The following ZNF493 variants were observed in gnomAD, a reference collection of about 807,000 sequenced individuals.
ZNF493 encodes zinc finger protein 493.
ZNF493 carries 11 observed loss-of-function variants against 12.2 expected under a neutral mutation model. The observed-to-expected ratio is 0.90, with a 90% CI of 0.57 to 1.50. ZNF493 has a LOEUF of 1.50. ZNF493 is among the 40% of genes most tolerant of loss of function. The probability of loss-of-function intolerance (pLI) is 0.00; values close to 1 mark genes in which losing one functional copy is unlikely to be tolerated. For synonymous variants in ZNF493, 286 were observed against 302.6 expected (o/e 0.95, Z 0.57); for missense variants, 950 against 906.6 (o/e 1.05, Z -0.61).
intron 3 of ZNF493, chr19:21,414,219 C>T (rs1339416231): frequency 1.3e-5 from 2 of 152,202 alleles, no homozygotes; most frequent in Non-Finnish European, 2.9e-5. Context: ...ATAAGCTAGT[C>T]TCCCAAATGA....
At chr19:21,417,548 A>G (rs2030530391) in intron 3 of ZNF493, among the ~76,000 whole-genome samples, 1 of 152,242 alleles carries the variant, frequency 6.6e-6, no homozygotes, top group East Asian at 1.9e-4. Flanking sequence ...AAATCCATAT[A>G]CGGTTCTTTT....
rs752007169 is a variant in ZNF493, at chr19:21,424,160, T to C, written c.1501T>C (p.Ser501Pro). 1.5e-5 allele frequency: 25 copies of C among 1,613,430 alleles called. No individual in the cohort carries two copies. Among genetic ancestry groups the C allele is most frequent in the Admixed American group, 8.3e-5 (5 of 59,898 alleles). Residue 501 changes from serine to proline, a missense_variant, in exon 4 of 4, where the codon TCT (serine) becomes CCT (proline). Physicochemically the swap from Ser to Pro is moderately conservative, Grantham distance 74. Transcript: ENST00000392288. The stretch of plus-strand genomic sequence containing the variant: ...AGAATGTGGCAAAGCTTTTAACCAA[T>C]CTTCAACCCTTAGTATACATAAAAT... ...CEECGKAFNQ[S>P]STLSIHKIIH...
At chr19:21,407,132 G>C (rs2030157019) in intron 3 of ZNF493, among the ~76,000 whole-genome samples, 1 of 152,048 alleles carries the variant, frequency 6.6e-6, no homozygotes, top group South Asian at 2.1e-4. Flanking sequence ...TGGATCACTT[G>C]AGTTCAGGAG....
chr19:21,419,925 C>A (rs572674297), intron 3 of ZNF493, among the ~76,000 whole-genome samples: 1 of 152,230 alleles, frequency 6.6e-6, no homozygotes, highest in South Asian at 2.1e-4. Flanking sequence ...TTGGTGCCAA[C>A]CCCCACATGA....
rs1396585791 is a variant in ZNF493, at chr19:21,423,611, G to GA, written c.957dup (p.Pro320ThrfsTer3). Reference sequence around the variant, plus strand: ...TGGACATAAGATAATTCATAATGGAGAAAAACCCTATAAATGTGAAGAATG... The same window carrying GA: ...TGGACATAAGATAATTCATAATGGAGAAAAAACCCTATAAATGTGAAGAATG... On this transcript the variant is annotated frameshift_variant, in exon 4 of 4. Coordinates refer to ENST00000392288, the MANE Select transcript of ZNF493 (RefSeq NM_001076678.3). LOFTEE classifies it low-confidence loss of function (END_TRUNC). The GA allele has an allele frequency of 6.2e-7, 1 of 1,609,254 alleles. No homozygotes were observed. The highest frequency in any genetic ancestry group is 1.4e-5 in the African/African-American group (1 of 71,686).
intron 3 of ZNF493, chr19:21,407,751 A>G (rs906033610): frequency 1.0e-6 from 1 of 983,422 alleles, no homozygotes; most frequent in Admixed American, 6.1e-5. Context: ...GTAAGATTAT[A>G]TGTTCCTCAA....
intron 1 of ZNF493, chr19:21,398,463 C>G (rs990826773): frequency 4.9e-6 from 1 of 203,002 alleles, no homozygotes; most frequent in Non-Finnish European, 9.8e-6. Flanking sequence ...TTTGGAAAAT[C>G]TATGGGGTGA....
chr19:21,411,755 T>C (rs1277661646), intron 3 of ZNF493, among the ~76,000 whole-genome samples: 1 of 135,390 alleles, frequency 7.4e-6, no homozygotes, highest in Non-Finnish European at 1.6e-5. Context: ...GCAATAAAAC[T>C]GTGCTATTGT....
At position 21,405,760 on chromosome 19, in the gene ZNF493, G is replaced by A. The variant is rs1483727002; in HGVS notation, c.158-1G>A. 15 of 1,609,356 alleles carry A rather than the reference G, an allele frequency of 9.3e-6. No homozygotes were observed. Among genetic ancestry groups the A allele is most frequent in the Admixed American group, 1.7e-5 (1 of 59,108 alleles). On this transcript the variant is annotated splice_acceptor_variant, in intron 2 of 3. Coordinates refer to ENST00000392288, the MANE Select transcript of ZNF493 (RefSeq NM_001076678.3). LOFTEE classifies it high-confidence loss of function. ...CATGTTATTTATTTTTAATAAAGCAGGTATTGCTGTCTCTAAGCCAGATCT... is the reference window on the plus strand; with the variant it reads ...CATGTTATTTATTTTTAATAAAGCAAGTATTGCTGTCTCTAAGCCAGATCT...
Position 21,410,391 on chromosome 19 carries a change from G to A in ZNF493, c.253+4535G>A, listed in dbSNP as rs113635723. Among the ~76,000 whole-genome samples the A allele has an allele frequency of 3.4e-3, 522 of 152,074 alleles. 5 individuals are homozygous for A. The highest frequency in any genetic ancestry group is 0.012 in the African/African-American group (497 of 41,496). On this transcript the variant is annotated intron_variant, in intron 3 of 3. Transcript: ENST00000392288. ...TATTTGGTGTGCTTAAAATTTTATAGTGGCCATTGTAATGGGTGTGAGGCA... is the reference window on the plus strand; with the variant it reads ...TATTTGGTGTGCTTAAAATTTTATAATGGCCATTGTAATGGGTGTGAGGCA...
At position 21,424,674 on chromosome 19, in the gene ZNF493, T is replaced by G; in HGVS notation, c.2015T>G (p.Leu672Arg). Residue 672 changes from leucine to arginine, a missense_variant, in exon 4 of 4, where the codon CTT (leucine) becomes CGT (arginine). Coordinates refer to ENST00000392288, the MANE Select transcript of ZNF493 (RefSeq NM_001076678.3). ...AAAGCCTTTAGTATATTCTCAACCC[T>G]TACTAAACATAAGATAATTCATACT... The part of the protein sequence containing the change: ...CGKAFSIFST[L>R]TKHKIIHTEE... The G allele has an allele frequency of 6.2e-7, 1 of 1,613,682 alleles. No homozygotes were observed. Among genetic ancestry groups the G allele is most frequent in the Non-Finnish European group, 8.5e-7 (1 of 1,179,762 alleles).
chr19:21,409,544 G>T (rs966655731), intron 3 of ZNF493, among the ~76,000 whole-genome samples: 1 of 151,878 alleles, frequency 6.6e-6, no homozygotes, highest in African/African-American at 2.4e-5. Context: ...AAAAGTGTCA[G>T]ACCAGCCTGG....
At chr19:21,410,559 A>G (rs1180526786) in intron 3 of ZNF493, among the ~76,000 whole-genome samples, 1 of 152,064 alleles carries the variant, frequency 6.6e-6, no homozygotes, top group Non-Finnish European at 1.5e-5. Flanking sequence ...ATTTAGCTTT[A>G]TTGTTCAGTT....
chr19:21,397,281 G>A lies in ZNF493; in HGVS notation c.30+14G>A, dbSNP rs751847657. On this transcript the variant is annotated intron_variant, in intron 1 of 3. Transcript: ENST00000392288. ...AGCCTAGACATGGTGAGAGTGCTGG[G>A]TCCGACATCACGAGAGAGGGGAAGG... 1 of 1,614,200 alleles carries A rather than the reference G, an allele frequency of 6.2e-7. No homozygotes were observed. Among genetic ancestry groups the A allele is most frequent in the Non-Finnish European group, 8.5e-7 (1 of 1,180,028 alleles).
At chr19:21,408,623 G>A in intron 3 of ZNF493, 1 of 985,024 alleles carries the variant, frequency 1.0e-6, no homozygotes, top group South Asian at 4.7e-5. Context: ...AATTGTATGA[G>A]TTAAACGTCT....
Position 21,423,343 on chromosome 19 carries a change from C to T in ZNF493, c.684C>T (p.His228=). The change falls in exon 4 of 4, where the codon CAC becomes CAT. Residue 228 remains histidine (H), a synonymous_variant. Coordinates refer to ENST00000392288, the MANE Select transcript of ZNF493 (RefSeq NM_001076678.3). ...TCTGGTTTTCAACCCTTACTAGACA[C>T]AGGAGAGTTCATACTGGAGAGAAAT... ...AFIWFSTLTR[H]RRVHTGEKSY... is the part of the protein sequence containing the mutation. The T allele has an allele frequency of 6.2e-7, 1 of 1,611,638 alleles. No homozygotes were observed. The highest frequency in any genetic ancestry group is 2.2e-5 in the East Asian group (1 of 44,540).
chr19:21,419,268 T>A (rs573185113), intron 3 of ZNF493, among the ~76,000 whole-genome samples: 9 of 152,072 alleles, frequency 5.9e-5, no homozygotes, highest in African/African-American at 1.7e-4. Flanking sequence ...TGGTGTTGGA[T>A]AATTGATTGG....
At chr19:21,414,277 C>T (rs1599375047) in intron 3 of ZNF493, 1 of 152,350 alleles carries the variant, frequency 6.6e-6, no homozygotes, top group South Asian at 2.1e-4. Context: ...GGTTCCAATC[C>T]TCGAGGATTA....
intron 3 of ZNF493, chr19:21,413,966 A>G (rs188356417): frequency 6.5e-6 from 1 of 154,120 alleles, no homozygotes; most frequent in Admixed American, 6.5e-5. Context: ...CATTCTTTCC[A>G]CTATGGCTTG....
Sources: gnomAD v4.1 joint callset for allele counts (sites outside exome capture counted in the v4.1 genomes callset) on GRCh38, gnomAD v4.1.1 for gene constraint, MANE v1.5 for transcripts, NCBI Gene and HGNC (gene_info 2026-07-23, HGNC 2026-07-21) for gene names.